The following MLLT10 variants were observed in gnomAD, a reference collection of about 807,000 sequenced individuals.
The protein encoded by MLLT10 is MLLT10 histone lysine methyltransferase DOT1L cofactor, also known as protein AF-10.
MLLT10 carries 30 observed loss-of-function variants against 129.1 expected under a neutral mutation model. The ratio of observed to expected loss-of-function variants is 0.23; its 90% confidence interval spans 0.17 to 0.32. The LOEUF (loss-of-function observed/expected upper bound fraction) is 0.32, where lower values mean the gene tolerates loss of function less well. Ranked by LOEUF, MLLT10 falls within the 10% of genes least tolerant of loss-of-function variation. MLLT10 has a pLI of 1.00. For synonymous variants in MLLT10, 490 were observed against 446.4 expected, an observed-to-expected ratio of 1.10 and a Z score of -1.23; for missense variants, 1,119 against 1,268.3, an observed-to-expected ratio of 0.88 and a Z score of 1.79.
chr10:21,674,365 A>T (rs1052233903), intron 11 of MLLT10, among the ~76,000 whole-genome samples: 4 of 152,148 alleles, frequency 2.6e-5, no homozygotes, highest in Non-Finnish European at 5.9e-5. Context: ...GACTCCTCAC[A>T]CAGATACTAC....
Position 21,550,662 on chromosome 10 carries a change from G to A in MLLT10, c.240+11750G>A, listed in dbSNP as rs187616316. Among the ~76,000 whole-genome samples, 15 of 152,194 alleles carry A rather than the reference G, an allele frequency of 9.9e-5. No individual in the cohort carries two copies. The East Asian group carries it at 2.7e-3, about 27-fold the overall frequency. ...TTCACCTTCCTTAGCCTTATGAGTA[G>A]CTGGGACTACGGATGGGTGCCACCA... On this transcript the variant is annotated intron_variant, in intron 3 of 22. Coordinates refer to ENST00000307729, the MANE Select transcript of MLLT10 (RefSeq NM_001195626.3).
chr10:21,725,003 G>C (rs537957984), intron 14 of MLLT10, among the ~76,000 whole-genome samples: 28 of 152,320 alleles, frequency 1.8e-4, no homozygotes, highest in African/African-American at 6.7e-4. Context: ...GTGATTCGTT[G>C]AGTCCTGCAT....
intron 3 of MLLT10, among the ~76,000 whole-genome samples, chr10:21,558,368 A>G (rs2130986999): frequency 6.6e-6 from 1 of 152,010 alleles, no homozygotes; most frequent in South Asian, 2.1e-4. Context: ...ATAAACTCCT[A>G]TTCATTCACT....
intron 3 of MLLT10, among the ~76,000 whole-genome samples, chr10:21,570,771 G>C (rs1273374493): frequency 6.6e-6 from 1 of 151,878 alleles, no homozygotes; most frequent in East Asian, 1.9e-4. Flanking sequence ...CATCATAATT[G>C]TTTTAAAGGA....
At position 21,626,078 on chromosome 10, in the gene MLLT10, G is replaced by C. The variant is rs946359097; in HGVS notation, c.699+8871G>C. The C allele has an allele frequency of 4.4e-6, 7 of 1,574,092 alleles. No individual in the cohort carries two copies. The African/African-American group carries it at 6.7e-5, about 15-fold the overall frequency. On this transcript the variant is annotated intron_variant, in intron 8 of 22. Coordinates refer to ENST00000307729, the MANE Select transcript of MLLT10 (RefSeq NM_001195626.3). ...CAAGGCCTTGATCTTCACTTCATCA[G>C]GTCCCTTTGTGGACTCTTGCACCTA...
At chr10:21,608,327 G>T (rs939198972) in intron 5 of MLLT10, among the ~76,000 whole-genome samples, 8 of 151,034 alleles carry the variant, frequency 5.3e-5, no homozygotes, top group African/African-American at 1.7e-4. Context: ...GCACCATCAC[G>T]CCTGGATAAT....
At chr10:21,551,790 GTCTC>G (rs1032725941) in intron 3 of MLLT10, 2 of 402,602 alleles carry the variant, frequency 5.0e-6, no homozygotes, top group Non-Finnish European at 9.6e-6. Flanking sequence ...AATAGTTTCT[GTCTC>G]TCTCTCTTTT....
chr10:21,708,392 G>A (rs2055738429), intron 13 of MLLT10, among the ~76,000 whole-genome samples: 1 of 152,198 alleles, frequency 6.6e-6, no homozygotes, highest in Admixed American at 6.5e-5. Context: ...TGAAAATAGA[G>A]TGAAGTTAAA....
Position 21,615,457 on chromosome 10 carries a change from C to CAA in MLLT10, c.603+549_603+550dup, listed in dbSNP as rs71393914. Among the ~76,000 whole-genome samples the CAA allele has an allele frequency of 3.0e-3, 229 of 75,210 alleles. 2 individuals are homozygous for CAA. Among genetic ancestry groups the CAA allele is most frequent in the Middle Eastern group, 0.027 (3 of 112 alleles). The allele number at this position is 75,210 out of a possible 152,430, so 49.3% of individuals were successfully genotyped here. On this transcript the variant is annotated intron_variant, in intron 7 of 22. Transcript: ENST00000307729. ...GGGAAACAAGAGTGAGACTCCGTCT[C>CAA]AAAAAAAAAAAAAAAAAGAAAAAAA...
chr10:21,743,031 T>TA lies in MLLT10; in HGVS notation c.*1052dup. On this transcript the variant is annotated 3_prime_UTR_variant, in exon 23 of 23. Transcript: ENST00000307729. ...TAAACCACTTCCCATTACTGACCAT[T>TA]AAAAGCTCACCACTAGAGTTCCTGA... is the stretch of plus-strand genomic sequence containing the variant. 4.3e-6 allele frequency: 1 copy of TA among 230,474 alleles called. No individual in the cohort carries two copies. Among genetic ancestry groups the TA allele is most frequent in the African/African-American group, 2.2e-5 (1 of 45,296 alleles). The allele number at this position is 230,474 out of a possible 1,614,324, so 14.3% of individuals were successfully genotyped here. A position where few individuals can be genotyped will look rare whatever the true frequency, so the allele number is the denominator to read the frequency against.
At chr10:21,556,998 A>G in intron 3 of MLLT10, 23 of 1,484,830 alleles carry the variant, frequency 1.5e-5, no homozygotes, top group Non-Finnish European at 2.0e-5. Flanking sequence ...TATTTCTTAC[A>G]GGGTTTTGTT....
chr10:21,562,860 C>T (rs2039036212), intron 3 of MLLT10, among the ~76,000 whole-genome samples: 2 of 116,144 alleles, frequency 1.7e-5, no homozygotes, highest in African/African-American at 3.7e-5. Context: ...ACTCTTGTTG[C>T]CCAGGCTGGA....
At chr10:21,551,590 G>A (rs2037041520) in intron 3 of MLLT10, among the ~76,000 whole-genome samples, 1 of 151,738 alleles carries the variant, frequency 6.6e-6, no homozygotes, top group African/African-American at 2.4e-5. Flanking sequence ...TCCTTTTAAT[G>A]TGAGAAAAGG....
chr10:21,699,509 G>T (rs2054691759), intron 13 of MLLT10, among the ~76,000 whole-genome samples: 1 of 151,922 alleles, frequency 6.6e-6, no homozygotes. Context: ...ATACTTTCAG[G>T]TCTTATGTTT....
intron 13 of MLLT10, among the ~76,000 whole-genome samples, chr10:21,690,158 G>T (rs552890490): frequency 6.6e-6 from 1 of 152,096 alleles, no homozygotes; most frequent in African/African-American, 2.4e-5. Context: ...GTTGAATCAG[G>T]TTTATTTTAA....
chr10:21,602,716 T>C (rs967029938), intron 5 of MLLT10, among the ~76,000 whole-genome samples: 26 of 152,184 alleles, frequency 1.7e-4, no homozygotes, highest in Non-Finnish European at 3.4e-4. Flanking sequence ...AATGGAGTTT[T>C]TTCCTTTATC....
intron 8 of MLLT10, among the ~76,000 whole-genome samples, chr10:21,619,796 G>C (rs957135704): frequency 1.3e-5 from 2 of 152,108 alleles, no homozygotes; most frequent in African/African-American, 4.8e-5. Context: ...TGCTTGCTTG[G>C]CTTGGGAATA....
intron 8 of MLLT10, among the ~76,000 whole-genome samples, chr10:21,651,042 G>GTTTTGTTTTGTTTTGTT (rs1314618314): frequency 9.6e-5 from 1 of 10,390 alleles, no homozygotes; most frequent in African/African-American, 2.1e-4. Context: ...TGGTTGTGTT[G>GTTTTGTTTTGTTTTGTT]TTTTGTTTTG....
chr10:21,730,994 T>C lies in MLLT10; in HGVS notation c.2158T>C (p.Leu720=). 1 of 1,614,114 alleles carries C rather than the reference T, an allele frequency of 6.2e-7. No homozygotes were observed. Among genetic ancestry groups the C allele is most frequent in the Non-Finnish European group, 8.5e-7 (1 of 1,180,004 alleles). The change falls in exon 17 of 23, where the codon TTG becomes CTG. Residue 720 remains leucine (L), a synonymous_variant. Coordinates refer to ENST00000307729, the MANE Select transcript of MLLT10 (RefSeq NM_001195626.3). ...PPVAASIEQL[L]ERQWSEGQQF... ...AGTAGCAGCCAGCATAGAACAGCTT[T>C]TGGAGAGGCAGTGGAGTGAAGGACA...
Sources: gnomAD v4.1 joint callset for allele counts (sites outside exome capture counted in the v4.1 genomes callset) on GRCh38, gnomAD v4.1.1 for gene constraint, MANE v1.5 for transcripts, NCBI Gene and HGNC (gene_info 2026-07-23, HGNC 2026-07-21) for gene names.